Variants in PCDH15 observed in about 807,000 individuals in gnomAD.
PCDH15 encodes the protein protocadherin-15.
PCDH15 carries 129 observed loss-of-function variants against 178.5 expected under a neutral mutation model. The ratio of observed to expected loss-of-function variants is 0.72; its 90% CI spans 0.63 to 0.84. The LOEUF is 0.84. Ranked by LOEUF, PCDH15 falls within the 40% of genes least tolerant of loss-of-function variation. PCDH15 has a pLI of 0.00. For synonymous variants in PCDH15, 800 were observed against 732.0 expected, an observed-to-expected ratio of 1.09 and a Z score of -1.50; for missense variants, 2,230 against 2,099.9, an observed-to-expected ratio of 1.06 and a Z score of -1.21.
At chr10:55,609,247 T>C (rs997054990) in intron 2 of PCDH15, among the ~76,000 whole-genome samples, 2 of 152,054 alleles carry the variant, frequency 1.3e-5, no homozygotes, top group Non-Finnish European at 2.9e-5. Context: ...TCTAAATGTA[T>C]TGCATTATAT....
chr10:55,268,196 T>A (rs370466816), intron 1 of PCDH15, among the ~76,000 whole-genome samples: 26 of 152,310 alleles, frequency 1.7e-4, no homozygotes, highest in African/African-American at 6.0e-4. Context: ...TTGAGTTATG[T>A]ACTATATCAT....
At chr10:54,417,042 C>T (rs1386689001) in intron 3 of PCDH15, among the ~76,000 whole-genome samples, 1 of 151,992 alleles carries the variant, frequency 6.6e-6, no homozygotes, top group African/African-American at 2.4e-5. Flanking sequence ...TGGGAGACTG[C>T]AAAAATTTTC....
chr10:54,573,876 C>T lies in PCDH15; in HGVS notation c.92-45999G>A, dbSNP rs2090144315. ...CCTTATCCTTACTTAGTAAATAATCCTTTATTTAAAAAAAATTTGTTTGAG... is the reference window on the plus strand; with the variant it reads ...CCTTATCCTTACTTAGTAAATAATCTTTTATTTAAAAAAAATTTGTTTGAG... On this transcript the variant is annotated intron_variant, in intron 2 of 37. Transcript: ENST00000644397. Among the ~76,000 whole-genome samples the T allele has an allele frequency of 2.0e-5, 3 of 152,116 alleles. No individual in the cohort carries two copies. In the South Asian group the frequency reaches 6.2e-4, roughly 32 times the overall value.
chr10:54,257,403 C>CTTTTTTTTTTTTTT (rs71461225), intron 8 of PCDH15, among the ~76,000 whole-genome samples: 14 of 126,024 alleles, frequency 1.1e-4, no homozygotes, highest in African/African-American at 3.8e-4. Context: ...GAATTGTCTT[C>CTTTTTTTTTTTTTT]TTTTTTTTTT....
intron 3 of PCDH15, among the ~76,000 whole-genome samples, chr10:54,396,141 A>T (rs938344820): frequency 1.3e-5 from 2 of 152,156 alleles, no homozygotes; most frequent in African/African-American, 4.8e-5. Context: ...CACTGAAGAG[A>T]ACTTTAGACT....
Position 54,088,181 on chromosome 10 carries a change from G to C in PCDH15, c.1997+1803C>G, listed in dbSNP as rs1241835477. 4.6e-5 allele frequency among the ~76,000 whole-genome samples: 7 copies of C among 152,212 alleles called. No homozygotes were observed. In the East Asian group the frequency reaches 1.4e-3, roughly 29 times the overall value. On this transcript the variant is annotated intron_variant, in intron 16 of 37. Coordinates refer to ENST00000644397, the MANE Select transcript of PCDH15 (RefSeq NM_001384140.1). ...TTACATGGCCACATAAATTTACGCA[G>C]ATTTCAGTATCTCCACATTCTTAGT...
intron 2 of PCDH15, among the ~76,000 whole-genome samples, chr10:55,502,423 A>C (rs1359846532): frequency 1.3e-5 from 2 of 151,698 alleles, no homozygotes; most frequent in East Asian, 3.9e-4. Context: ...GAATTAATGA[A>C]ATACTTCTAG....
chr10:54,727,228 T>C (rs965796930), intron 1 of PCDH15, among the ~76,000 whole-genome samples: 2 of 116,496 alleles, frequency 1.7e-5, no homozygotes, highest in South Asian at 5.0e-4. Flanking sequence ...AAAAAACACA[T>C]GCACACAAAA....
At chr10:54,013,547 A>G (rs2092653592) in intron 20 of PCDH15, among the ~76,000 whole-genome samples, 1 of 152,168 alleles carries the variant, frequency 6.6e-6, no homozygotes, top group African/African-American at 2.4e-5. Flanking sequence ...GACTAAAATC[A>G]TACCAACCAC....
intron 3 of PCDH15, among the ~76,000 whole-genome samples, chr10:54,504,701 A>G (rs1241904201): frequency 2.6e-5 from 4 of 152,172 alleles, no homozygotes; most frequent in African/African-American, 4.8e-5. Flanking sequence ...ATGTAGAGAT[A>G]CAGATATACA....
At chr10:54,547,193 G>T (rs1456246414) in intron 2 of PCDH15, among the ~76,000 whole-genome samples, 1 of 152,090 alleles carries the variant, frequency 6.6e-6, no homozygotes, top group Non-Finnish European at 1.5e-5. Flanking sequence ...AGTTTTCAAA[G>T]ATACAATAAA....
intron 3 of PCDH15, among the ~76,000 whole-genome samples, chr10:54,379,969 G>GA: frequency 6.6e-6 from 1 of 151,876 alleles, no homozygotes; most frequent in Admixed American, 6.6e-5. Context: ...AAAATATAAC[G>GA]AAAAAAGTAT....
At chr10:53,902,512 C>A (rs543630629) in intron 26 of PCDH15, among the ~76,000 whole-genome samples, 5 of 152,046 alleles carry the variant, frequency 3.3e-5, no homozygotes, top group Non-Finnish European at 7.4e-5. Context: ...AATTGAGAAT[C>A]CAAAATGTTT....
intron 2 of PCDH15, among the ~76,000 whole-genome samples, chr10:55,351,602 C>G (rs1174348780): frequency 6.6e-6 from 1 of 152,090 alleles, no homozygotes; most frequent in African/African-American, 2.4e-5. Context: ...CACTTCAAGT[C>G]TCTTTATTGT....
At chr10:55,100,224 A>G in intron 2 of PCDH15, among the ~76,000 whole-genome samples, 1 of 152,134 alleles carries the variant, frequency 6.6e-6, no homozygotes, top group East Asian at 1.9e-4. Context: ...CTTCCTAATC[A>G]TGTGTTTTAG....
At chr10:55,046,287 C>T (rs1266375388) in intron 2 of PCDH15, among the ~76,000 whole-genome samples, 1 of 151,922 alleles carries the variant, frequency 6.6e-6, no homozygotes, top group Non-Finnish European at 1.5e-5. Flanking sequence ...TTCGAAGCTC[C>T]TCAGGCATAT....
At chr10:54,851,064 T>C (rs1389319503) in intron 3 of PCDH15, among the ~76,000 whole-genome samples, 1 of 152,180 alleles carries the variant, frequency 6.6e-6, no homozygotes, top group Non-Finnish European at 1.5e-5. Flanking sequence ...ATAAATATGA[T>C]CTTTTGATTT....
At chr10:54,840,806 G>C (rs145062908) in intron 3 of PCDH15, among the ~76,000 whole-genome samples, 64 of 151,760 alleles carry the variant, frequency 4.2e-4, no homozygotes, top group Non-Finnish European at 6.9e-4. Context: ...AAATAGACTT[G>C]TAGTCAAAAT....
chr10:54,899,074 G>A (rs931391581), intron 2 of PCDH15, among the ~76,000 whole-genome samples: 47 of 151,984 alleles, frequency 3.1e-4, no homozygotes, highest in Admixed American at 1.2e-3. Flanking sequence ...AGTAACGATT[G>A]CCATTTAAAA....
Sources: gnomAD v4.1 joint callset for allele counts (sites outside exome capture counted in the v4.1 genomes callset) on GRCh38, gnomAD v4.1.1 for gene constraint, MANE v1.5 for transcripts, NCBI Gene and HGNC (gene_info 2026-07-23, HGNC 2026-07-21) for gene names.